Variants in TAX1BP1 observed in about 807,000 individuals in gnomAD.
TAX1BP1 encodes the protein tax1-binding protein 1.
Under a neutral mutation model 97.7 loss-of-function variants are expected in TAX1BP1, and 62 were observed. That is an observed-to-expected ratio of 0.63 (90% CI 0.52 to 0.78). The LOEUF (loss-of-function observed/expected upper bound fraction) is 0.78. TAX1BP1 is among the 30% of genes least tolerant of loss of function. The pLI is 0.00. For synonymous variants in TAX1BP1, 340 were observed against 304.2 expected (o/e 1.12, Z -1.23); for missense variants, 867 against 916.1 (o/e 0.95, Z 0.69).
At chr7:27,743,377 A>G (rs978942929) in intron 1 of TAX1BP1, among the ~76,000 whole-genome samples, 2 of 152,152 alleles carry the variant, frequency 1.3e-5, no homozygotes, top group Non-Finnish European at 2.9e-5. Flanking sequence ...TTTTCCTTTC[A>G]TATGTTTGTG....
chr7:27,787,279 T>C, intron 7 of TAX1BP1, 139 bp from the exon 8 acceptor site: 1 of 652,242 alleles, frequency 1.5e-6, no homozygotes, highest in Non-Finnish European at 2.4e-6. Context: ...TGGCAGAACC[T>C]GGGTCTCCTA....
rs1789431466 is a variant in TAX1BP1 at position 27,785,258 on chromosome 7, A to G, written c.708A>G (p.Glu236=). ...CATCCAAAGCCCATCAGCTTGAGGAAGATATTGTGTCAGTAACACATAAAG... is the reference window on the plus strand; with the variant it reads ...CATCCAAAGCCCATCAGCTTGAGGAGGATATTGTGTCAGTAACACATAAAG... The part of the protein sequence containing the change: ...DATSKAHQLE[E]DIVSVTHKAI... The change falls in exon 6 of 17, where the codon GAA becomes GAG. Residue 236 remains glutamate, a synonymous_variant. Transcript: ENST00000396319. 6.2e-7 allele frequency: 1 copy of G among 1,613,502 alleles called. No individual in the cohort carries two copies. The highest frequency in any genetic ancestry group is 1.3e-5 in the African/African-American group (1 of 75,042).
intron 13 of TAX1BP1, among the ~76,000 whole-genome samples, chr7:27,806,744 T>A (rs1246510949): frequency 6.6e-6 from 1 of 152,176 alleles, no homozygotes; most frequent in Non-Finnish European, 1.5e-5. Context: ...CTTGAAGGGT[T>A]AGTTTTCCAT....
At chr7:27,800,195 A>G in intron 13 of TAX1BP1, 105 bp downstream of exon 13, 1 of 1,084,324 alleles carries the variant, frequency 9.2e-7, no homozygotes, top group South Asian at 2.6e-5. Flanking sequence ...TGGATAATTG[A>G]TAGTTTTTTC....
intron 13 of TAX1BP1, among the ~76,000 whole-genome samples, chr7:27,809,910 C>CTT (rs112475856): frequency 4.9e-4 from 70 of 144,066 alleles, no homozygotes; most frequent in African/African-American, 1.7e-3. Context: ...TCTTTTGTGC[C>CTT]TTTTTTTTTT....
intron 13 of TAX1BP1, among the ~76,000 whole-genome samples, chr7:27,803,592 A>C (rs1790223687): frequency 6.6e-6 from 1 of 152,216 alleles, no homozygotes; most frequent in Admixed American, 6.5e-5. Flanking sequence ...GCAGTGTGGA[A>C]AACTGCTTGT....
chr7:27,756,664 C>A (rs899369050), intron 2 of TAX1BP1, among the ~76,000 whole-genome samples: 1 of 152,114 alleles, frequency 6.6e-6, no homozygotes, highest in African/African-American at 2.4e-5. Context: ...AAATACTACA[C>A]CTATAATAAC....
intron 1 of TAX1BP1, among the ~76,000 whole-genome samples, chr7:27,746,165 C>T (rs1166615067): frequency 6.6e-6 from 1 of 152,086 alleles, no homozygotes; most frequent in Non-Finnish European, 1.5e-5. Context: ...TATCCTTAAT[C>T]AGCTTTTGAT....
chr7:27,793,358 T>A (rs1206875682), intron 10 of TAX1BP1, 146 bp downstream of exon 10: 4 of 770,740 alleles, frequency 5.2e-6, no homozygotes, highest in Non-Finnish European at 5.7e-6. Flanking sequence ...TTGTAATAAC[T>A]CTTCTTTAAA....
At chr7:27,755,203 G>A (rs549851639) in intron 2 of TAX1BP1, among the ~76,000 whole-genome samples, 5 of 152,076 alleles carry the variant, frequency 3.3e-5, no homozygotes, top group African/African-American at 1.2e-4. Context: ...GTCTGTTGTT[G>A]TATGTTTCTG....
intron 1 of TAX1BP1, among the ~76,000 whole-genome samples, chr7:27,747,435 A>AT (rs1375420826): frequency 6.6e-6 from 1 of 152,214 alleles, no homozygotes; most frequent in Non-Finnish European, 1.5e-5. Context: ...TGTGTATTTT[A>AT]TTAACACTAC....
Position 27,829,612 on chromosome 7 carries a change from C to T in TAX1BP1, c.*783C>T, listed in dbSNP as rs1782630253. On this transcript the variant is annotated 3_prime_UTR_variant, in exon 17 of 17. Coordinates refer to ENST00000396319, the MANE Select transcript of TAX1BP1 (RefSeq NM_006024.7). ...TATATCAGTATCTTTTTTACATTTT[C>T]CTGATGAGAATATAAATTTGAAATA... 6.6e-6 allele frequency: 1 copy of T among 151,978 alleles called. No homozygotes were observed. Among genetic ancestry groups the T allele is most frequent in the Non-Finnish European group, 1.5e-5 (1 of 67,970 alleles). The allele number at this position is 151,978 out of a possible 1,614,324, so 9.4% of individuals were successfully genotyped here.
intron 15 of TAX1BP1, among the ~76,000 whole-genome samples, chr7:27,823,076 T>C (rs1397627332): frequency 1.3e-5 from 2 of 152,220 alleles, no homozygotes; most frequent in African/African-American, 4.8e-5. Context: ...TTATTTTCTT[T>C]CTGATTTTAA....
At chr7:27,824,984 G>A (rs1350939814) in intron 15 of TAX1BP1, among the ~76,000 whole-genome samples, 3 of 152,118 alleles carry the variant, frequency 2.0e-5, no homozygotes, top group Non-Finnish European at 2.9e-5. Flanking sequence ...GGGTTTGTAA[G>A]TTTCAGTGCT....
In TAX1BP1 at chr7:27,748,623, A is replaced by G. The variant is rs1341010400; in HGVS notation, c.99A>G (p.Glu33=). 5.0e-6 allele frequency: 8 copies of G among 1,603,686 alleles called. No homozygotes were observed. In the South Asian group the frequency reaches 9.0e-5, roughly 18 times the overall value. ...AKSYLPNAHL[E]CHYTLTPYIH... ...GTTACCTTCCTAATGCACACCTGGA[A>G]TGTCATTACACCTTAACTCCATATA... The change falls in exon 2 of 17, where the codon GAA becomes GAG. Residue 33 remains glutamate (E), a synonymous_variant. Coordinates refer to ENST00000396319, the MANE Select transcript of TAX1BP1 (RefSeq NM_006024.7).
chr7:27,812,725 C>T (rs1267476080), intron 13 of TAX1BP1, among the ~76,000 whole-genome samples: 1 of 152,084 alleles, frequency 6.6e-6, no homozygotes, highest in Non-Finnish European at 1.5e-5. Context: ...GTTGAAAAGA[C>T]CATCCTTTTC....
At chr7:27,750,066 C>T (rs1238051303) in intron 2 of TAX1BP1, among the ~76,000 whole-genome samples, 1 of 152,136 alleles carries the variant, frequency 6.6e-6, no homozygotes, top group African/African-American at 2.4e-5. Context: ...GCTGGGATTA[C>T]AGGTGTGAGC....
intron 2 of TAX1BP1, 29 bp downstream of exon 2, chr7:27,748,715 A>G (rs369694887): frequency 1.4e-6 from 2 of 1,456,038 alleles, no homozygotes; most frequent in Non-Finnish European, 1.8e-6. Flanking sequence ...TATGTTCTCC[A>G]TGTAAACACT....
intron 1 of TAX1BP1, among the ~76,000 whole-genome samples, chr7:27,740,725 A>G (rs1787549329): frequency 6.6e-6 from 1 of 152,082 alleles, no homozygotes; most frequent in African/African-American, 2.4e-5. Flanking sequence ...CGCGTCCGAG[A>G]AGGACGCTGG....
Sources: gnomAD v4.1 joint callset for allele counts (sites outside exome capture counted in the v4.1 genomes callset) on GRCh38, gnomAD v4.1.1 for gene constraint, MANE v1.5 for transcripts, NCBI Gene and HGNC (gene_info 2026-07-23, HGNC 2026-07-21) for gene names.